CACNA1C: variants seen among roughly 807,000 people sequenced by gnomAD.
The protein encoded by CACNA1C is calcium voltage-gated channel subunit alpha1 C.
CACNA1C carries 30 observed loss-of-function variants against 229.0 expected under a neutral mutation model. The ratio of observed to expected loss-of-function variants is 0.13; its 90% CI spans 0.10 to 0.18. CACNA1C has a LOEUF of 0.18. CACNA1C is among the 10% of genes least tolerant of loss of function. CACNA1C has a pLI of 1.00. For missense variants in CACNA1C, 1,658 were observed against 2,845.0 expected (o/e 0.58, Z 9.49); for synonymous variants, 1,114 against 1,132.5 (o/e 0.98, Z 0.33).
chr12:2,505,618 T>G (rs2099769806), intron 8 of CACNA1C, among the ~76,000 whole-genome samples: 3 of 152,156 alleles, frequency 2.0e-5, no homozygotes, highest in Non-Finnish European at 1.5e-5. Flanking sequence ...TGAGCTATGA[T>G]CGTGCCACTG....
intron 5 of CACNA1C, among the ~76,000 whole-genome samples, chr12:2,464,126 G>A (rs755163797): frequency 9.2e-5 from 14 of 152,174 alleles, no homozygotes; most frequent in Non-Finnish European, 1.5e-4. Flanking sequence ...AGAAAGATGT[G>A]TAGGGTCTTT....
intron 1 of CACNA1C, among the ~76,000 whole-genome samples, chr12:1,996,652 AAAACAACAAAC>A (rs1565870463): frequency 5.1e-4 from 20 of 38,906 alleles, no homozygotes; most frequent in African/African-American, 1.4e-3. Flanking sequence ...AAAAAAAAAA[AAAACAACAAAC>A]TCTTCTAATG....
At chr12:2,450,553 CAAAAAAAAAAAAA>C (rs796416420) in intron 4 of CACNA1C, among the ~76,000 whole-genome samples, 4 of 39,020 alleles carry the variant, frequency 1.0e-4, no homozygotes, top group Admixed American at 4.5e-4. Context: ...GACTCCATCT[CAAAAAAAAAAAAA>C]AAAAAAAAAA....
Position 2,493,427 on chromosome 12 carries a change from C to T in CACNA1C, c.1113+41C>T, listed in dbSNP as rs372950929. On this transcript the variant is annotated intron_variant, in intron 7 of 46. Transcript: ENST00000399655. This position sits in a 1 kb window ranked among gnomAD's most constrained non-coding sequence, Gnocchi z 4.6. The stretch of plus-strand genomic sequence containing the variant: ...GGGCAGTCAGAGGGTGGGGGAACAG[C>T]GGCCGTGAACCCTTCCCTGACACCT... 4.4e-5 allele frequency: 66 copies of T among 1,494,630 alleles called. No homozygotes were observed. The highest frequency in any genetic ancestry group is 3.2e-4 in the East Asian group (14 of 43,716). 92.6% of individuals were successfully genotyped at this position (1,494,630 alleles called of 1,614,324 possible). A position where few individuals can be genotyped will look rare whatever the true frequency, so the allele number is the denominator to read the frequency against.
chr12:2,664,284 A>C (rs1244479257), intron 34 of CACNA1C, among the ~76,000 whole-genome samples: 1 of 152,262 alleles, frequency 6.6e-6, no homozygotes, highest in African/African-American at 2.4e-5. Flanking sequence ...CTACACTGGT[A>C]ATAGGAGTCT....
At chr12:2,183,174 C>A (rs78788892) in intron 3 of CACNA1C, among the ~76,000 whole-genome samples, 3,081 of 152,094 alleles carry the variant, frequency 0.02, 105 homozygotes, top group African/African-American at 0.069. Context: ...TGCCCAGCCC[C>A]CTGACGTGAT....
At chr12:2,412,757 AATC>A (rs1196602936) in intron 3 of CACNA1C, among the ~76,000 whole-genome samples, 2 of 152,206 alleles carry the variant, frequency 1.3e-5, no homozygotes, top group Non-Finnish European at 2.9e-5. Context: ...AAACTATTGA[AATC>A]AGGAGGAAGG....
At chr12:2,549,060 T>A (rs759422776) in intron 9 of CACNA1C, among the ~76,000 whole-genome samples, 33 of 150,194 alleles carry the variant, frequency 2.2e-4, no homozygotes, top group African/African-American at 5.6e-4. Context: ...GAAGAAAAAA[T>A]AATAATAATA....
chr12:2,086,551 C>G (rs2067727162), intron 1 of CACNA1C, among the ~76,000 whole-genome samples: 1 of 152,110 alleles, frequency 6.6e-6, no homozygotes, highest in African/African-American at 2.4e-5. Flanking sequence ...TACAAGCAGC[C>G]CAAAATCTCA....
At chr12:2,498,273 C>A (rs1284628426) in intron 7 of CACNA1C, among the ~76,000 whole-genome samples, 2 of 152,180 alleles carry the variant, frequency 1.3e-5, no homozygotes, top group African/African-American at 4.8e-5. Context: ...GGCCCTTTCT[C>A]AGGTATCGGA....
chr12:2,421,971 C>A (rs1298525622), intron 3 of CACNA1C, among the ~76,000 whole-genome samples: 1 of 151,902 alleles, frequency 6.6e-6, no homozygotes, highest in Non-Finnish European at 1.5e-5. Context: ...AGGACATGGG[C>A]AACCTGGTAG....
chr12:2,151,731 G>A (rs1849582292), intron 3 of CACNA1C, among the ~76,000 whole-genome samples: 1 of 152,212 alleles, frequency 6.6e-6, no homozygotes, highest in South Asian at 2.1e-4. Context: ...TTACAAAAAA[G>A]TACAGATGAC....
intron 3 of CACNA1C, among the ~76,000 whole-genome samples, chr12:2,234,340 G>A (rs1228030583): frequency 6.6e-6 from 1 of 152,194 alleles, no homozygotes; most frequent in African/African-American, 2.4e-5. Context: ...ATGGCTGACC[G>A]ATTGCCTGTT....
At position 2,559,788 on chromosome 12, in the gene CACNA1C, A is replaced by C. The variant is rs1363029202; in HGVS notation, c.1508+2811A>C. ...TAGTAAACCCTGTTCCTGTATAGCT[A>C]GTGTGTCCGCAGAGTGTGTAACTCT... On this transcript the variant is annotated intron_variant, in intron 11 of 46. Transcript: ENST00000399655. 2.0e-5 allele frequency among the ~76,000 whole-genome samples: 3 copies of C among 152,274 alleles called. No homozygotes were observed. In the East Asian group the frequency reaches 5.8e-4, roughly 29 times the overall value.
chr12:1,980,385 A>C (rs1197197298), intron 1 of CACNA1C, among the ~76,000 whole-genome samples: 2 of 152,154 alleles, frequency 1.3e-5, no homozygotes, highest in Non-Finnish European at 2.9e-5. Context: ...CTTCTTTTTA[A>C]AAGCGTCTTT....
intron 3 of CACNA1C, among the ~76,000 whole-genome samples, chr12:2,144,375 C>T (rs755714749): frequency 6.6e-6 from 1 of 151,132 alleles, no homozygotes; most frequent in Non-Finnish European, 1.5e-5. Flanking sequence ...ATCATTTTGA[C>T]ATATAAACAC....
At chr12:2,450,564 A>AC (rs1303458776) in intron 4 of CACNA1C, among the ~76,000 whole-genome samples, 5 of 144,616 alleles carry the variant, frequency 3.5e-5, no homozygotes, top group East Asian at 1.9e-4. Context: ...AAAAAAAAAA[A>AC]AAAAAAAAAA....
At chr12:2,323,992 G>A (rs111759388) in intron 3 of CACNA1C, among the ~76,000 whole-genome samples, 16 of 152,318 alleles carry the variant, frequency 1.1e-4, no homozygotes, top group Non-Finnish European at 1.5e-4. Context: ...GTTCTCCATC[G>A]CAGGAGCCGG....
intron 30 of CACNA1C, among the ~76,000 whole-genome samples, chr12:2,643,076 C>T (rs185840744): frequency 9.2e-5 from 14 of 152,332 alleles, no homozygotes; most frequent in African/African-American, 3.1e-4. Context: ...TGCAGCCCCA[C>T]GCTGGGAGCC....
Sources: gnomAD v4.1 joint callset for allele counts (sites outside exome capture counted in the v4.1 genomes callset) on GRCh38, gnomAD v4.1.1 for gene constraint, Gnocchi (gnomAD v3.1) non-coding constraint, MANE v1.5 for transcripts, NCBI Gene and HGNC (gene_info 2026-07-23, HGNC 2026-07-21) for gene names.